Variants in OGFRL1 observed in about 807,000 individuals in gnomAD.
OGFRL1 encodes the protein opioid growth factor receptor like 1.
A neutral mutation model predicts 32.4 loss-of-function variants in OGFRL1; 26 were observed. The ratio of observed to expected loss-of-function variants is 0.80; its 90% CI spans 0.59 to 1.11. The LOEUF is 1.11. Ranked by LOEUF, OGFRL1 falls within the 50% of genes most tolerant of loss-of-function variation. OGFRL1 has a pLI of 0.00. For missense variants in OGFRL1, 521 were observed against 546.4 expected (o/e 0.95, Z 0.46); for synonymous variants, 211 against 201.2 (o/e 1.05, Z -0.41).
intron 1 of OGFRL1, among the ~76,000 whole-genome samples, chr6:71,292,540 T>A (rs1259245808): frequency 1.3e-5 from 2 of 152,204 alleles, no homozygotes; most frequent in African/African-American, 4.8e-5. Context: ...TTAACCCACA[T>A]CTTATACTTT....
At position 71,301,645 on chromosome 6, in the gene OGFRL1, G is replaced by C. The variant is rs1561951536; in HGVS notation, c.952G>C (p.Glu318Gln). ...ENFIWGPPRK[E>Q]QSEGSKAQKM... is the part of the protein sequence containing the mutation. ...CTTTATCTGGGGACCGCCTCGAAAA[G>C]AACAGTCGGAGGGAAGCAAAGCCCA... The change falls in exon 7 of 7, where the codon GAA becomes CAA. Residue 318 changes from glutamate to glutamine, a missense_variant. Coordinates refer to ENST00000370435, the MANE Select transcript of OGFRL1 (RefSeq NM_024576.5). 6.2e-7 allele frequency: 1 copy of C among 1,614,090 alleles called. No individual in the cohort carries two copies. Among genetic ancestry groups the C allele is most frequent in the East Asian group, 2.2e-5 (1 of 44,878 alleles).
At position 71,296,561 on chromosome 6, in the gene OGFRL1, G is replaced by C. The variant is rs1208471665; in HGVS notation, c.546G>C (p.Glu182Asp). 6.2e-7 allele frequency: 1 copy of C among 1,611,278 alleles called. No individual in the cohort carries two copies. The highest frequency in any genetic ancestry group is 1.7e-5 in the Admixed American group (1 of 59,808). The change falls in exon 5 of 7, where the codon GAG becomes GAC. Residue 182 changes from glutamate (E) to aspartate (D), a missense_variant and splice_region_variant. By Grantham distance (45) the Glu-to-Asp change is conservative. Transcript: ENST00000370435. ...AAGAACTAACTACATATGAAATTGA[G>C]GTAATGCAAGCTCATTTCATTTTAT... ...YAKELTTYEI[E>D]EFKKTKEAIR...
intron 6 of OGFRL1, among the ~76,000 whole-genome samples, chr6:71,301,063 C>A (rs1766368661): frequency 6.6e-6 from 1 of 152,158 alleles, no homozygotes; most frequent in Admixed American, 6.5e-5. Flanking sequence ...CATTCATCTT[C>A]AGTGTATTTT....
chr6:71,289,549 A>T (rs1169340591), intron 1 of OGFRL1: 7 of 53,618 alleles, frequency 1.3e-4, no homozygotes, highest in Admixed American at 2.3e-3. Flanking sequence ...TGTTATTGGT[A>T]AAAAAAAAAA....
intron 1 of OGFRL1, chr6:71,291,766 G>A (rs551472595): frequency 3.9e-5 from 6 of 152,150 alleles, no homozygotes; most frequent in Admixed American, 3.9e-4. Context: ...TTTGCTTAAG[G>A]CCTCACAAAT....
intron 6 of OGFRL1, among the ~76,000 whole-genome samples, chr6:71,297,722 G>C (rs565925921): frequency 1.3e-5 from 2 of 152,020 alleles, no homozygotes; most frequent in South Asian, 4.1e-4. Flanking sequence ...TACGTTTTGT[G>C]CATCAGTTAA....
At chr6:71,289,310 C>T in intron 1 of OGFRL1, 140 bp downstream of exon 1, 1 of 1,010,352 alleles carries the variant, frequency 9.9e-7, no homozygotes, top group Non-Finnish European at 1.2e-6. Context: ...CTCCGCGCCG[C>T]GGCTGACCTG....
rs753943040 is a variant in OGFRL1 at position 71,288,905 on chromosome 6, C to A, written c.-32C>A. ...CCTGCCGCAGCTTGCGCCCCGCAGC[C>A]CCGCAGCCCCGCGCCCGCCGCCGCC... On this transcript the variant is annotated 5_prime_UTR_variant, in exon 1 of 7. Coordinates refer to ENST00000370435, the MANE Select transcript of OGFRL1 (RefSeq NM_024576.5). The A allele has an allele frequency of 1.6e-6, 2 of 1,279,332 alleles. No individual in the cohort carries two copies. The highest frequency in any genetic ancestry group is 2.0e-6 in the Non-Finnish European group (2 of 995,476). 79.2% of individuals were successfully genotyped at this position (1,279,332 alleles called of 1,614,324 possible).
At chr6:71,298,629 A>G (rs1275905655) in intron 6 of OGFRL1, among the ~76,000 whole-genome samples, 1 of 152,078 alleles carries the variant, frequency 6.6e-6, no homozygotes, top group Non-Finnish European at 1.5e-5. Context: ...GAACTAAGTC[A>G]CTTCTCACTC....
Position 71,307,172 on chromosome 6 carries a change from C to G in OGFRL1, c.*5123C>G, listed in dbSNP as rs1436718037. On this transcript the variant is annotated 3_prime_UTR_variant, in exon 7 of 7. Coordinates refer to ENST00000370435, the MANE Select transcript of OGFRL1 (RefSeq NM_024576.5). ...ACCCAAACTGGCTGGAAGTAGAGTT[C>G]AGAGAGGGAGAAGGGACAAGAATCA... 6.6e-6 allele frequency: 1 copy of G among 152,098 alleles called. No homozygotes were observed. Among genetic ancestry groups the G allele is most frequent in the African/African-American group, 2.4e-5 (1 of 41,400 alleles). The allele number at this position is 152,098 out of a possible 1,614,324, so 9.4% of individuals were successfully genotyped here.
Position 71,308,195 on chromosome 6 carries a change from C to T in OGFRL1, c.*6146C>T, listed in dbSNP as rs1340615086. 6.6e-6 allele frequency: 1 copy of T among 152,178 alleles called. No homozygotes were observed. Among genetic ancestry groups the T allele is most frequent in the Non-Finnish European group, 1.5e-5 (1 of 68,038 alleles). 9.4% of individuals were successfully genotyped at this position (152,178 alleles called of 1,614,324 possible). A position where few individuals can be genotyped will look rare whatever the true frequency, so the allele number is the denominator to read the frequency against. ...ACAAGTTAAGTTGATGGTCTGGCTG[C>T]AGATAAGAGAAAGACTCAGTGATAG... is the stretch of plus-strand genomic sequence containing the variant. On this transcript the variant is annotated 3_prime_UTR_variant, in exon 7 of 7. Transcript: ENST00000370435.
rs1318049346 is a variant in OGFRL1, at chr6:71,301,817, AAG to A, written c.1128_1129del (p.Glu376AspfsTer11). The stretch of plus-strand genomic sequence containing the variant: ...AAAGTGGCACCAAAAGAGCCTGTGG[AAG>A]AGACAGACAGGCCCAGCCCAGAGCC... On this transcript the variant is annotated frameshift_variant, in exon 7 of 7. Transcript: ENST00000370435. LOFTEE classifies it low-confidence loss of function (END_TRUNC). The A allele has an allele frequency of 1.2e-6, 2 of 1,613,176 alleles. No individual in the cohort carries two copies. Among genetic ancestry groups the A allele is most frequent in the Admixed American group, 1.7e-5 (1 of 59,808 alleles).
chr6:71,296,126 A>AT (rs1040822553), intron 3 of OGFRL1, among the ~76,000 whole-genome samples, 191 bp from the exon 4 acceptor site: 1 of 152,040 alleles, frequency 6.6e-6, no homozygotes, highest in Non-Finnish European at 1.5e-5. Context: ...GGTGCTATTA[A>AT]TTTTTTTTAA....
At position 71,296,733 on chromosome 6, in the gene OGFRL1, A is replaced by C. The variant is rs760136631; in HGVS notation, c.608A>C (p.Glu203Ala). 6.2e-7 allele frequency: 1 copy of C among 1,613,684 alleles called. No homozygotes were observed. The highest frequency in any genetic ancestry group is 8.5e-7 in the Non-Finnish European group (1 of 1,179,734). ...CTCCTGGCTTATAAAATGATGCTAGAATTTTTTGGAATAAAACTGACTGAT... is the reference window on the plus strand; with the variant it reads ...CTCCTGGCTTATAAAATGATGCTAGCATTTTTTGGAATAAAACTGACTGAT... ...RFLLAYKMML[E>A]FFGIKLTDKT... is the part of the protein sequence containing the mutation. Residue 203 changes from glutamate (E) to alanine (A), a missense_variant, in exon 6 of 7, where the codon GAA (glutamate) becomes GCA (alanine). Coordinates refer to ENST00000370435, the MANE Select transcript of OGFRL1 (RefSeq NM_024576.5).
intron 1 of OGFRL1, 139 bp downstream of exon 1, chr6:71,289,309 G>A: frequency 9.9e-7 from 1 of 1,010,594 alleles, no homozygotes; most frequent in Non-Finnish European, 1.2e-6. Context: ...CCTCCGCGCC[G>A]CGGCTGACCT....
chr6:71,298,895 C>G (rs1766296479), intron 6 of OGFRL1, among the ~76,000 whole-genome samples: 1 of 152,104 alleles, frequency 6.6e-6, no homozygotes, highest in Admixed American at 6.5e-5. Context: ...TATATGGCAT[C>G]TTGAGTAGTT....
chr6:71,294,318 G>A (rs1766138994), intron 3 of OGFRL1, among the ~76,000 whole-genome samples: 1 of 152,032 alleles, frequency 6.6e-6, no homozygotes, highest in Non-Finnish European at 1.5e-5. Flanking sequence ...TTTTATCCAG[G>A]TCACCCTAGG....
chr6:71,303,415 CTG>C lies in OGFRL1; in HGVS notation c.*1368_*1369del, dbSNP rs1156528949. ...GATTTTGCTTTGTTTAAATTAATAA[CTG>C]TTTTCAGAATTAAGTGCTTAAAAAC... On this transcript the variant is annotated 3_prime_UTR_variant, in exon 7 of 7. Coordinates refer to ENST00000370435, the MANE Select transcript of OGFRL1 (RefSeq NM_024576.5). 6.6e-5 allele frequency: 10 copies of C among 152,164 alleles called. No homozygotes were observed. Among genetic ancestry groups the C allele is most frequent in the Non-Finnish European group, 1.0e-4 (7 of 68,014 alleles). The allele number at this position is 152,164 out of a possible 1,614,324, so 9.4% of individuals were successfully genotyped here. A position where few individuals can be genotyped will look rare whatever the true frequency, so the allele number is the denominator to read the frequency against.
chr6:71,303,315 C>T lies in OGFRL1; in HGVS notation c.*1266C>T, dbSNP rs946220732. The T allele has an allele frequency of 1.3e-5, 2 of 152,154 alleles. No homozygotes were observed. Among genetic ancestry groups the T allele is most frequent in the South Asian group, 4.1e-4 (2 of 4,828 alleles). The allele number at this position is 152,154 out of a possible 1,614,324, so 9.4% of individuals were successfully genotyped here. A position where few individuals can be genotyped will look rare whatever the true frequency, so the allele number is the denominator to read the frequency against. The stretch of plus-strand genomic sequence containing the variant: ...CCAACCCCCTACAGATATCAAGGGA[C>T]CACTATACACATTAGGATGATCTAT... On this transcript the variant is annotated 3_prime_UTR_variant, in exon 7 of 7. Transcript: ENST00000370435.
Sources: gnomAD v4.1 joint callset for allele counts (sites outside exome capture counted in the v4.1 genomes callset) on GRCh38, gnomAD v4.1.1 for gene constraint, MANE v1.5 for transcripts, NCBI Gene and HGNC (gene_info 2026-07-23, HGNC 2026-07-21) for gene names.